The following FBXL18 variants were observed in gnomAD, a reference collection of about 807,000 sequenced individuals.
FBXL18 encodes the protein F-box/LRR-repeat protein 18.
Under a neutral mutation model 46.0 loss-of-function variants are expected in FBXL18, and 36 were observed. The observed-to-expected ratio is 0.78, with a 90% CI of 0.60 to 1.03. The LOEUF is 1.03. Among genes scored for constraint, FBXL18 ranks in the 50% least tolerant of loss-of-function variants. The pLI, the probability that FBXL18 is intolerant of heterozygous loss-of-function variation, is 0.00. For synonymous variants in FBXL18, 557 were observed against 465.3 expected, an observed-to-expected ratio of 1.20 and a Z score of -2.54; for missense variants, 977 against 1,004.1, an observed-to-expected ratio of 0.97 and a Z score of 0.36.
downstream of FBXL18, among the ~76,000 whole-genome samples, chr7:5,474,554 G>A (rs1053967247): frequency 2.6e-5 from 4 of 152,032 alleles, no homozygotes; most frequent in African/African-American, 9.7e-5. Flanking sequence ...GGGCACAAGT[G>A]TTGTTTCTGC....
chr7:5,493,876 A>G (rs1226170124), intron 3 of FBXL18, among the ~76,000 whole-genome samples: 1 of 151,952 alleles, frequency 6.6e-6, no homozygotes, highest in Non-Finnish European at 1.5e-5. Context: ...GCTCACGTCT[A>G]TAATCCCAGC....
At chr7:5,508,608 CAA>C (rs553020796) in intron 1 of FBXL18, among the ~76,000 whole-genome samples, 9 of 135,746 alleles carry the variant, frequency 6.6e-5, no homozygotes, top group Non-Finnish European at 8.0e-5. Flanking sequence ...GACCTTGTCT[CAA>C]AAAAAAAAAA....
In FBXL18 at chr7:5,480,750, G is replaced by C. The variant is rs1783624474; in HGVS notation, c.*1025C>G. On this transcript the variant is annotated 3_prime_UTR_variant, in exon 5 of 5. Coordinates refer to ENST00000382368, the MANE Select transcript of FBXL18 (RefSeq NM_024963.6). ...AGCTAATTTTTGTATTTTTAGTAGA[G>C]ATGGGGTTTCACCATGTTGGCCAGG... 6.6e-6 allele frequency: 1 copy of C among 151,368 alleles called. No individual in the cohort carries two copies. Among genetic ancestry groups the C allele is most frequent in the South Asian group, 2.1e-4 (1 of 4,816 alleles). 9.4% of individuals were successfully genotyped at this position (151,368 alleles called of 1,614,324 possible).
intron 1 of FBXL18, 115 bp downstream of exon 1, chr7:5,513,542 G>T: frequency 1.7e-6 from 2 of 1,188,860 alleles, no homozygotes; most frequent in Non-Finnish European, 2.5e-6. Flanking sequence ...GAAGGACGGG[G>T]CGGGGTAGGG....
chr7:5,467,976 C>A (rs1783366865), intron 4 of FBXL18, among the ~76,000 whole-genome samples: 1 of 151,736 alleles, frequency 6.6e-6, no homozygotes, highest in Non-Finnish European at 1.5e-5. Context: ...TGATTGCAGC[C>A]TCGAACTTTT....
intron 4 of FBXL18, among the ~76,000 whole-genome samples, chr7:5,468,035 T>G (rs1290528507): frequency 6.7e-6 from 1 of 149,376 alleles, no homozygotes; most frequent in Non-Finnish European, 1.5e-5. Context: ...CAGGCTGGAG[T>G]GCAGTGGCAC....
chr7:5,489,370 C>G, intron 4 of FBXL18: 1 of 514,736 alleles, frequency 1.9e-6, no homozygotes, highest in Non-Finnish European at 3.9e-6. Flanking sequence ...CGTTGTGGCT[C>G]ACGCCTGTAA....
At chr7:5,463,453 C>G (rs1783286959) in intron 4 of FBXL18, among the ~76,000 whole-genome samples, 1 of 151,486 alleles carries the variant, frequency 6.6e-6, no homozygotes, top group Non-Finnish European at 1.5e-5. Flanking sequence ...GACCTCATCT[C>G]CACAAAATAT....
At chr7:5,503,230 A>G (rs993729226) in intron 2 of FBXL18, among the ~76,000 whole-genome samples, 1 of 152,238 alleles carries the variant, frequency 6.6e-6, no homozygotes, top group East Asian at 1.9e-4. Context: ...AAAAGAAAAA[A>G]TATATTAGCC....
chr7:5,471,959 G>T (rs145200518), downstream of FBXL18, among the ~76,000 whole-genome samples: 1 of 152,122 alleles, frequency 6.6e-6, no homozygotes, highest in Non-Finnish European at 1.5e-5. Context: ...GTGGTGGGGC[G>T]CACCTACAGT....
At chr7:5,463,960 C>T (rs1010106233) in intron 4 of FBXL18, among the ~76,000 whole-genome samples, 3 of 151,494 alleles carry the variant, frequency 2.0e-5, no homozygotes, top group Non-Finnish European at 4.4e-5. Context: ...AGTCTGGTCT[C>T]GAACTACTGA....
Position 5,478,302 on chromosome 7 carries a change from C to T in FBXL18, c.*3473G>A, listed in dbSNP as rs1783562830. The T allele has an allele frequency of 6.6e-6, 1 of 152,308 alleles. No individual in the cohort carries two copies. Among genetic ancestry groups the T allele is most frequent in the South Asian group, 2.1e-4 (1 of 4,834 alleles). The allele number at this position is 152,308 out of a possible 1,614,324, so 9.4% of individuals were successfully genotyped here. On this transcript the variant is annotated 3_prime_UTR_variant, in exon 5 of 5. Transcript: ENST00000382368. ...AGGAAGCGGCCCTCACCCAGCCCCC[C>T]TGGGCTGGACGGGCCGTTGAAAACA...
rs148273243 is a variant in FBXL18, at chr7:5,463,377, T to G, written c.2001-15534A>C. ...GCTCAGGCCTGTAATTCCAGCGCCTTGGGAGGTCAAGGCAGGAGGATCACT... is the reference window on the plus strand; with the variant it reads ...GCTCAGGCCTGTAATTCCAGCGCCTGGGGAGGTCAAGGCAGGAGGATCACT... On this transcript the variant is annotated intron_variant and NMD_transcript_variant, in intron 4 of 6. Transcript: ENST00000415009. Among the ~76,000 whole-genome samples the G allele has an allele frequency of 8.5e-3, 1,290 of 152,022 alleles. 24 individuals carry two copies. Among genetic ancestry groups the G allele is most frequent in the African/African-American group, 0.03 (1,240 of 41,450 alleles).
intron 4 of FBXL18, among the ~76,000 whole-genome samples, chr7:5,465,143 C>T (rs1783323808): frequency 6.6e-6 from 1 of 152,176 alleles, no homozygotes; most frequent in Admixed American, 6.6e-5. Context: ...TGCAACTTCT[C>T]TCTGGGATCA....
At chr7:5,490,022 C>T in intron 4 of FBXL18, 1 of 1,315,754 alleles carries the variant, frequency 7.6e-7, no homozygotes, top group Non-Finnish European at 1.0e-6. Context: ...GTTGTTTTTA[C>T]AACCAGAGAG....
intron 3 of FBXL18, 150 bp downstream of exon 3, chr7:5,500,338 G>C: frequency 1.5e-6 from 1 of 676,492 alleles, no homozygotes; most frequent in South Asian, 1.9e-5. Flanking sequence ...GCTCTCCCCA[G>C]AGCCCCGAGA....
intron 4 of FBXL18, among the ~76,000 whole-genome samples, chr7:5,456,593 G>C (rs934058511): frequency 6.6e-6 from 1 of 151,260 alleles, no homozygotes; most frequent in South Asian, 2.1e-4. Context: ...GGAACAGCTT[G>C]TGCAAAGGCC....
At chr7:5,511,716 C>T (rs1466169531) in intron 1 of FBXL18, among the ~76,000 whole-genome samples, 5 of 150,748 alleles carry the variant, frequency 3.3e-5, no homozygotes, top group African/African-American at 9.8e-5. Context: ...TGCAGTGAGC[C>T]GAGATCGCGC....
rs1210337464 is a variant in FBXL18 at position 5,481,104 on chromosome 7, A to C, written c.*671T>G. ...CCTGCTGGTTGGGCTGAAAAGTCACAGGAGAGGCTCCAACCAGCAGTCCCA... is the reference window on the plus strand; with the variant it reads ...CCTGCTGGTTGGGCTGAAAAGTCACCGGAGAGGCTCCAACCAGCAGTCCCA... On this transcript the variant is annotated 3_prime_UTR_variant, in exon 5 of 5. Transcript: ENST00000382368. The C allele has an allele frequency of 1.3e-5, 2 of 152,180 alleles. No homozygotes were observed. The highest frequency in any genetic ancestry group is 4.8e-5 in the African/African-American group (2 of 41,448). 9.4% of individuals were successfully genotyped at this position (152,180 alleles called of 1,614,324 possible). A position where few individuals can be genotyped will look rare whatever the true frequency, so the allele number is the denominator to read the frequency against.
Sources: allele counts gnomAD v4.1 joint callset (sites outside exome capture counted in the v4.1 genomes callset), GRCh38; gene constraint gnomAD v4.1.1; transcripts MANE v1.5; gene names NCBI Gene and HGNC (gene_info 2026-07-23, HGNC 2026-07-21).